Variants in LMF1 observed in about 807,000 individuals in gnomAD.
The protein encoded by LMF1 is lipase maturation factor 1.
LMF1 carries 68 observed loss-of-function variants against 60.6 expected under a neutral mutation model. The ratio of observed to expected loss-of-function variants is 1.12; its 90% confidence interval spans 0.92 to 1.37. The LOEUF is 1.37. LMF1 is among the 40% of genes most tolerant of loss of function. The pLI is 0.00. For missense variants in LMF1, 948 were observed against 767.2 expected, an observed-to-expected ratio of 1.24 and a Z score of -2.78; for synonymous variants, 418 against 324.7, an observed-to-expected ratio of 1.29 and a Z score of -3.09.
intron 3 of LMF1, among the ~76,000 whole-genome samples, chr16:915,996 G>A (rs1003152717): frequency 6.6e-6 from 1 of 152,188 alleles, no homozygotes; most frequent in African/African-American, 2.4e-5. Context: ...GGTGTGCAGG[G>A]TGGGGGCAGC....
intron 4 of LMF1, among the ~76,000 whole-genome samples, chr16:908,331 C>T (rs534342618): frequency 1.3e-5 from 2 of 152,340 alleles, no homozygotes; most frequent in East Asian, 3.9e-4. Context: ...CCTGCGCGAT[C>T]TGGATGCCGG....
intron 2 of LMF1, among the ~76,000 whole-genome samples, chr16:942,209 T>C (rs531080005): frequency 1.3e-5 from 2 of 152,384 alleles, no homozygotes; most frequent in East Asian, 3.9e-4. Context: ...CGTTTTTCTT[T>C]AGAACTCTAA....
chr16:976,177 C>A (rs562550799), intron 1 of LMF1: 14 of 453,064 alleles, frequency 3.1e-5, no homozygotes, highest in Admixed American at 1.4e-4. Flanking sequence ...CTCAGCCCCC[C>A]AGTGCCTGGG....
chr16:954,218 C>T (rs2072605885), intron 2 of LMF1, 139 bp downstream of exon 2: 4 of 947,668 alleles, frequency 4.2e-6, no homozygotes, highest in South Asian at 1.4e-5. Flanking sequence ...CTGCCATGGC[C>T]TAAGTAAAAT....
intron 2 of LMF1, among the ~76,000 whole-genome samples, chr16:951,274 C>CGACAGAGTCAGAGCCAAT (rs2072460028): frequency 1.4e-5 from 2 of 140,848 alleles, no homozygotes; most frequent in African/African-American, 2.8e-5. Flanking sequence ...TCAGAGCCAA[C>CGACAGAGTCAGAGCCAAT]GACAGAGTCA....
chr16:893,909 G>A (rs2070572940), intron 4 of LMF1, among the ~76,000 whole-genome samples: 1 of 152,076 alleles, frequency 6.6e-6, no homozygotes, highest in Admixed American at 6.5e-5. Context: ...AGATGTGGAA[G>A]TGAGTCCCGC....
Position 879,875 on chromosome 16 carries a change from C to T in LMF1, c.730-138G>A, listed in dbSNP as rs549398461. The T allele has an allele frequency of 7.1e-3, 5,629 of 790,002 alleles. 33 individuals are homozygous for T. The highest frequency in any genetic ancestry group is 9.2e-3 in the Non-Finnish European group (4,635 of 503,270). The allele number at this position is 790,002 out of a possible 1,614,324, so 48.9% of individuals were successfully genotyped here. A position where few individuals can be genotyped will look rare whatever the true frequency, so the allele number is the denominator to read the frequency against. On this transcript the variant is annotated intron_variant, in intron 5 of 10. Transcript: ENST00000262301. ...CCCCCGGCCCGCCTGGCCCTGCACACGTGGAGCCCACCTGCCACGCTAAGA... is the reference window on the plus strand; with the variant it reads ...CCCCCGGCCCGCCTGGCCCTGCACATGTGGAGCCCACCTGCCACGCTAAGA...
Position 954,612 on chromosome 16 carries a change from C to T in LMF1, c.248G>A (p.Gly83Glu). ...HQNKQLIGDR[G>E]LLPCRVFLKN... The stretch of plus-strand genomic sequence containing the variant: ...CAGGAACACTCTGCAGGGAAGCAGC[C>T]CCCTGTCACCGATGAGCTGCTTGTT... Residue 83 changes from glycine to glutamate, a missense_variant, in exon 2 of 11, where the codon GGG (glycine) becomes GAG (glutamate). Transcript: ENST00000262301. The T allele has an allele frequency of 6.2e-6, 10 of 1,609,756 alleles. No individual in the cohort carries two copies. Among genetic ancestry groups the T allele is most frequent in the African/African-American group, 1.3e-5 (1 of 74,990 alleles).
chr16:947,480 G>A (rs186456368), intron 2 of LMF1: 15 of 456,054 alleles, frequency 3.3e-5, no homozygotes, highest in Non-Finnish European at 6.6e-5. Context: ...GGGTGCTGGC[G>A]GCCTCCCAGC....
rs1338796977 is a variant in LMF1 at position 962,774 on chromosome 16, G to C, written c.193+8014C>G. Among the ~76,000 whole-genome samples, 2 of 152,126 alleles carry C rather than the reference G, an allele frequency of 1.3e-5. No homozygotes were observed. Among genetic ancestry groups the C allele is most frequent in the Admixed American group, 6.5e-5 (1 of 15,288 alleles). On this transcript the variant is annotated intron_variant, in intron 1 of 10. Coordinates refer to ENST00000262301, the MANE Select transcript of LMF1 (RefSeq NM_022773.4). This position sits in a 1 kb window ranked among gnomAD's most constrained non-coding sequence, Gnocchi z 4.5. ...CGGGTCCCAGAACGGAACAGGCACG[G>C]GTGGAAAAGCCATAGAGTCTGCAGT...
chr16:856,748 T>G (rs948443451), intron 10 of LMF1, among the ~76,000 whole-genome samples: 1 of 152,222 alleles, frequency 6.6e-6, no homozygotes, highest in African/African-American at 2.4e-5. Context: ...TGCATTTCAT[T>G]CCTGCAGACA....
At position 944,865 on chromosome 16, in the gene LMF1, T is replaced by C. The variant is rs767206033; in HGVS notation, c.503+9492A>G. On this transcript the variant is annotated intron_variant, in intron 2 of 10. Coordinates refer to ENST00000262301, the MANE Select transcript of LMF1 (RefSeq NM_022773.4). Reference sequence around the variant, plus strand: ...TCCCTGCCCCTTTGGTGCACCTTGATGATTATGGGATGTACTCTTCGGAGT... The same window carrying C: ...TCCCTGCCCCTTTGGTGCACCTTGACGATTATGGGATGTACTCTTCGGAGT... 3.9e-5 allele frequency among the ~76,000 whole-genome samples: 6 copies of C among 152,210 alleles called. No homozygotes were observed. The South Asian group carries it at 6.2e-4, about 16-fold the overall frequency.
At chr16:895,273 G>C (rs899414702) in intron 4 of LMF1, among the ~76,000 whole-genome samples, 1 of 152,158 alleles carries the variant, frequency 6.6e-6, no homozygotes, top group African/African-American at 2.4e-5. Flanking sequence ...CTGCCTGGTC[G>C]GGTCAGCCTC....
chr16:886,273 G>A (rs1270734984), intron 5 of LMF1, among the ~76,000 whole-genome samples: 2 of 152,174 alleles, frequency 1.3e-5, no homozygotes, highest in African/African-American at 4.8e-5. Context: ...GTCCTTGGCT[G>A]CGTGGGTAGA....
intron 2 of LMF1, among the ~76,000 whole-genome samples, chr16:952,402 C>G (rs1279937510): frequency 1.3e-5 from 2 of 152,086 alleles, no homozygotes; most frequent in Non-Finnish European, 2.9e-5. Context: ...TCAGAGCAAT[C>G]TGAGCCTCCG....
At chr16:950,719 A>C (rs1374731756) in intron 2 of LMF1, among the ~76,000 whole-genome samples, 13 of 145,322 alleles carry the variant, frequency 8.9e-5, no homozygotes, top group Admixed American at 2.0e-4. Context: ...TGACAGAGTC[A>C]GAGCCAACGA....
chr16:946,237 C>T (rs1357528529), intron 2 of LMF1, among the ~76,000 whole-genome samples: 1 of 152,216 alleles, frequency 6.6e-6, no homozygotes, highest in Non-Finnish European at 1.5e-5. Flanking sequence ...TCTGCCAGCC[C>T]CATGTGCCGC....
intron 4 of LMF1, among the ~76,000 whole-genome samples, chr16:894,272 T>C (rs1199909182): frequency 2.9e-5 from 3 of 102,578 alleles, no homozygotes; most frequent in African/African-American, 1.2e-4. Context: ...CCTGTCCCCC[T>C]GTCCACCTGG....
intron 10 of LMF1, among the ~76,000 whole-genome samples, chr16:856,366 G>T (rs769542575): frequency 6.6e-6 from 1 of 152,192 alleles, no homozygotes; most frequent in African/African-American, 2.4e-5. Flanking sequence ...CTGAAGGGAC[G>T]GGCTGGAATG....
Sources: allele counts gnomAD v4.1 joint callset (sites outside exome capture counted in the v4.1 genomes callset), GRCh38; gene constraint gnomAD v4.1.1; non-coding constraint Gnocchi (gnomAD v3.1); transcripts MANE v1.5; gene names NCBI Gene and HGNC (gene_info 2026-07-23, HGNC 2026-07-21).